Variants in FRMPD1 observed in about 807,000 individuals in gnomAD.
FRMPD1 encodes FERM and PDZ domain-containing protein 1.
In FRMPD1, 76 loss-of-function variants were observed where a neutral mutation model predicts 117.8. That is an observed-to-expected ratio of 0.65 (90% CI 0.54 to 0.78). FRMPD1 has a LOEUF of 0.78. Ranked by LOEUF, FRMPD1 falls within the 30% of genes least tolerant of loss-of-function variation. The pLI is 0.00. For missense variants in FRMPD1, 1,786 were observed against 1,964.5 expected (o/e 0.91, Z 1.72); for synonymous variants, 783 against 770.4 (o/e 1.02, Z -0.27).
intron 5 of FRMPD1, among the ~76,000 whole-genome samples, chr9:37,718,863 C>G (rs888115294): frequency 3.3e-5 from 5 of 152,220 alleles, no homozygotes; most frequent in Non-Finnish European, 7.3e-5. Context: ...GAATGTCCAA[C>G]TATTCTCAGG....
chr9:37,686,603 C>T (rs931732096), intron 1 of FRMPD1, among the ~76,000 whole-genome samples: 16 of 152,302 alleles, frequency 1.1e-4, no homozygotes, highest in Non-Finnish European at 2.1e-4. Flanking sequence ...TTTGTTTAGT[C>T]TTTGGGGATC....
At chr9:37,722,885 G>A (rs569970705) in intron 6 of FRMPD1, among the ~76,000 whole-genome samples, 51 of 152,004 alleles carry the variant, frequency 3.4e-4, no homozygotes, top group African/African-American at 9.4e-4. Context: ...CTATTAACTC[G>A]TCATTTAGCA....
chr9:37,653,675 A>G (rs958085023), intron 1 of FRMPD1, among the ~76,000 whole-genome samples: 1 of 152,196 alleles, frequency 6.6e-6, no homozygotes. Flanking sequence ...ACAGCTCTAA[A>G]TATATCAGCT....
rs960698439 is a variant in FRMPD1 at position 37,651,663 on chromosome 9, C to T, written c.-5+569C>T. On this transcript the variant is annotated intron_variant, in intron 1 of 15. Transcript: ENST00000377765. ...AGCTTTGACTGAGCTTTAGTGGGGGCGTTGAGTCAGCCTCGGGAAGCAGGG... is the reference window on the plus strand; with the variant it reads ...AGCTTTGACTGAGCTTTAGTGGGGGTGTTGAGTCAGCCTCGGGAAGCAGGG... Among the ~76,000 whole-genome samples, 8 of 152,234 alleles carry T rather than the reference C, an allele frequency of 5.3e-5. No homozygotes were observed. The East Asian group carries it at 1.5e-3, about 29-fold the overall frequency.
intron 1 of FRMPD1, among the ~76,000 whole-genome samples, chr9:37,672,640 G>A (rs568255054): frequency 6.6e-6 from 1 of 152,176 alleles, no homozygotes; most frequent in African/African-American, 2.4e-5. Flanking sequence ...TGGCATGGCT[G>A]AGATATGAGC....
At chr9:37,707,922 A>G (rs906342986) in intron 3 of FRMPD1, among the ~76,000 whole-genome samples, 19 of 152,264 alleles carry the variant, frequency 1.2e-4, no homozygotes, top group African/African-American at 2.9e-4. Flanking sequence ...CTGGTCAGAC[A>G]GTAATAGAAA....
chr9:37,659,361 G>T (rs192295002), intron 1 of FRMPD1, among the ~76,000 whole-genome samples: 2 of 152,294 alleles, frequency 1.3e-5, no homozygotes, highest in African/African-American at 4.8e-5. Context: ...GGGTGCCGGG[G>T]CTGTTCCTAT....
In FRMPD1 at chr9:37,740,470, AGCGGGATTGAAACCAGTG is replaced by A. The variant is rs754802231; in HGVS notation, c.1945_1962del (p.Gly649_Gly654del). 6.2e-7 allele frequency: 1 copy of A among 1,614,190 alleles called. No individual in the cohort carries two copies. The highest frequency in any genetic ancestry group is 1.7e-5 in the Admixed American group (1 of 60,030). ...TGACTCTGACAGCCAGGAGGAGAGA[AGCGGGATTGAAACCAGTG>A]GCTTCCTCTGTCTCCTGGACCTGGC... On this transcript the variant is annotated inframe_deletion, in exon 15 of 16. Coordinates refer to ENST00000377765, the MANE Select transcript of FRMPD1 (RefSeq NM_014907.3). This position sits in a 1 kb window ranked among gnomAD's most constrained non-coding sequence, Gnocchi z 4.2.
intron 1 of FRMPD1, among the ~76,000 whole-genome samples, chr9:37,659,817 T>C (rs1820943115): frequency 6.6e-6 from 1 of 151,576 alleles, no homozygotes; most frequent in South Asian, 2.1e-4. Context: ...TCCAGTCTGC[T>C]GCTGGCTTCT....
intron 7 of FRMPD1, among the ~76,000 whole-genome samples, chr9:37,726,359 C>CT (rs35806629): frequency 2.0e-5 from 3 of 152,148 alleles, no homozygotes; most frequent in Non-Finnish European, 1.5e-5. Context: ...TTTATTGACA[C>CT]TTTTTGTGTG....
chr9:37,634,877 C>T, the FRMPD1 span, among the ~76,000 whole-genome samples: 3 of 151,920 alleles, frequency 2.0e-5, no homozygotes, highest in African/African-American at 7.3e-5. Context: ...AGTTCCCTCC[C>T]CTCACCCCCA....
In FRMPD1 at chr9:37,733,755, G is replaced by A. The variant is rs140800271; in HGVS notation, c.1148G>A (p.Arg383His). Residue 383 changes from arginine (R) to histidine (H), a missense_variant, in exon 12 of 16, where the codon CGT (arginine) becomes CAT (histidine). By Grantham distance (29) the Arg-to-His change is conservative. Coordinates refer to ENST00000377765, the MANE Select transcript of FRMPD1 (RefSeq NM_014907.3). ...QKQLISAAQL[R>H]LNYLQILGEL... Reference sequence around the variant, plus strand: ...CAACTTATTTCTGCTGCCCAGCTACGTTTAAATTATCTACAGATCCTCGGA... The same window carrying A: ...CAACTTATTTCTGCTGCCCAGCTACATTTAAATTATCTACAGATCCTCGGA... 4,361 of 1,607,192 alleles carry A rather than the reference G, an allele frequency of 2.7e-3. 11 individuals carry two copies. The highest frequency in any genetic ancestry group is 4.3e-3 in the Middle Eastern group (26 of 6,050).
At chr9:37,706,099 A>G (rs538321716) in intron 2 of FRMPD1, among the ~76,000 whole-genome samples, 2 of 152,230 alleles carry the variant, frequency 1.3e-5, no homozygotes, top group East Asian at 3.9e-4. Context: ...CTGCTGCTCC[A>G]GCTCAGTATT....
At chr9:37,699,311 CTG>C (rs1822447467) in intron 2 of FRMPD1, among the ~76,000 whole-genome samples, 1 of 142,666 alleles carries the variant, frequency 7.0e-6, no homozygotes, top group African/African-American at 2.5e-5. Flanking sequence ...TGAATTCTCT[CTG>C]TCTCTCTCTT....
rs1368123177 is a variant in FRMPD1 at position 37,746,713 on chromosome 9, C to T, written c.4681C>T (p.Leu1561Phe). The T allele has an allele frequency of 2.5e-6, 4 of 1,613,954 alleles. No individual in the cohort carries two copies. The highest frequency in any genetic ancestry group is 2.7e-5 in the African/African-American group (2 of 74,952). Reference sequence around the variant, plus strand: ...ACTCCTGGCCCGTCAGTGCACGGCCCTCACGGCCGCCGTGTTCTGTTTGAC... The same window carrying T: ...ACTCCTGGCCCGTCAGTGCACGGCCTTCACGGCCGCCGTGTTCTGTTTGAC... The part of the protein sequence containing the change: ...VKLLARQCTA[L>F]TAAVFCLTQK... The change falls in exon 16 of 16, where the codon CTC (leucine) becomes TTC (phenylalanine). Residue 1561 changes from leucine to phenylalanine, a missense_variant. Leu to Phe is a conservative substitution (Grantham distance 22). Transcript: ENST00000377765.
At chr9:37,622,504 G>A in the FRMPD1 span, among the ~76,000 whole-genome samples, 1 of 152,152 alleles carries the variant, frequency 6.6e-6, no homozygotes, top group Non-Finnish European at 1.5e-5. Flanking sequence ...CCCTCACAGG[G>A]CATTTCTTCT....
chr9:37,680,040 C>T (rs900782696), intron 1 of FRMPD1, among the ~76,000 whole-genome samples: 7 of 152,306 alleles, frequency 4.6e-5, no homozygotes, highest in African/African-American at 1.7e-4. Context: ...ACTTGTGTGA[C>T]CAACTTCCAG....
chr9:37,745,934 A>G lies in FRMPD1; in HGVS notation c.3902A>G (p.Glu1301Gly), dbSNP rs1243687153. ...AEKSFLCFAP[E>G]SHPEVSASLR... Reference sequence around the variant, plus strand: ...AAGTCTTTTCTGTGCTTTGCCCCAGAAAGCCATCCTGAAGTCTCTGCCAGT... The same window carrying G: ...AAGTCTTTTCTGTGCTTTGCCCCAGGAAGCCATCCTGAAGTCTCTGCCAGT... The change falls in exon 16 of 16, where the codon GAA becomes GGA. Residue 1301 changes from glutamate to glycine, a missense_variant. Transcript: ENST00000377765. 4 of 1,614,160 alleles carry G rather than the reference A, an allele frequency of 2.5e-6. No individual in the cohort carries two copies. Among genetic ancestry groups the G allele is most frequent in the Non-Finnish European group, 3.4e-6 (4 of 1,180,052 alleles).
At chr9:37,736,887 G>A (rs375866566) in intron 13 of FRMPD1, among the ~76,000 whole-genome samples, 3 of 73,624 alleles carry the variant, frequency 4.1e-5, no homozygotes, top group African/African-American at 1.3e-4. Context: ...GTATGTGTGC[G>A]CACACACACA....
Sources: gnomAD v4.1 joint callset for allele counts (sites outside exome capture counted in the v4.1 genomes callset) on GRCh38, gnomAD v4.1.1 for gene constraint, Gnocchi (gnomAD v3.1) non-coding constraint, MANE v1.5 for transcripts, NCBI Gene and HGNC (gene_info 2026-07-23, HGNC 2026-07-21) for gene names.